The following KIF27 variants were observed in gnomAD, a reference collection of about 807,000 sequenced individuals.
KIF27 encodes the protein kinesin family member 27.
Under a neutral mutation model 141.8 loss-of-function variants are expected in KIF27, and 84 were observed. The ratio of observed to expected loss-of-function variants is 0.59; its 90% CI spans 0.50 to 0.71. KIF27 has a LOEUF of 0.71. Ranked by LOEUF, KIF27 falls within the 30% of genes least tolerant of loss-of-function variation. KIF27 has a pLI of 0.00. For missense variants in KIF27, 1,306 were observed against 1,628.4 expected (o/e 0.80, Z 3.41); for synonymous variants, 471 against 569.5 (o/e 0.83, Z 2.46).
chr9:83,838,292 G>A (rs1220981367), intron 17 of KIF27, among the ~76,000 whole-genome samples: 1 of 151,618 alleles, frequency 6.6e-6, no homozygotes. Context: ...GGAGTGCAGT[G>A]GCGTGATCTC....
rs111290584 is a variant in KIF27 at position 83,853,826 on chromosome 9, C to T, written c.3160G>A (p.Val1054Ile). ...GRVLSPEEEH[V>I]LFQLEEGIEA... ...ATCCCTTCTTCAAGTTGGAAAAGAACATGTTCTTCCTAGATATAACAGAAA... is the reference window on the plus strand; with the variant it reads ...ATCCCTTCTTCAAGTTGGAAAAGAATATGTTCTTCCTAGATATAACAGAAA... The change falls in exon 15 of 18, where the codon GTT becomes ATT. Residue 1054 changes from valine (V) to isoleucine (I), a missense_variant. This residue lies in a region of KIF27 where 596 missense variants were observed against 751.6 expected (regional missense o/e 0.79). Coordinates refer to ENST00000297814, the MANE Select transcript of KIF27 (RefSeq NM_017576.4). The T allele has an allele frequency of 6.2e-7, 1 of 1,602,332 alleles. No homozygotes were observed. The highest frequency in any genetic ancestry group is 1.1e-5 in the South Asian group (1 of 90,826).
In KIF27 at chr9:83,903,926, T is replaced by G. The variant is rs1396626977; in HGVS notation, c.592A>C (p.Thr198Pro). ...CTGCTGGAGTGCTCATTCATTTGAGTGGTACCTGTATGTCTGGCTGCATTC... is the reference window on the plus strand; with the variant it reads ...CTGCTGGAGTGCTCATTCATTTGAGGGGTACCTGTATGTCTGGCTGCATTC... ...MGNAARHTGT[T>P]QMNEHSSRSH... Residue 198 changes from threonine to proline, a missense_variant, in exon 4 of 18, where the codon ACT becomes CCT. Around this residue, in one of 4 missense-constraint regions of KIF27, gnomAD observed 533 missense variants for 565.6 expected, o/e 0.94. Transcript: ENST00000297814. 3.7e-6 allele frequency: 6 copies of G among 1,614,156 alleles called. 1 individual carries two copies. In the Admixed American group the frequency reaches 1.0e-4, roughly 27 times the overall value.
chr9:83,875,764 A>G (rs1951165586), intron 11 of KIF27, among the ~76,000 whole-genome samples: 1 of 152,188 alleles, frequency 6.6e-6, no homozygotes, highest in Admixed American at 6.5e-5. Flanking sequence ...TAAGATAAGG[A>G]CTTTAGTGAC....
chr9:83,875,078 G>A (rs1288655218), intron 11 of KIF27, among the ~76,000 whole-genome samples: 3 of 151,962 alleles, frequency 2.0e-5, no homozygotes, highest in African/African-American at 7.3e-5. Context: ...GCTATGTCTT[G>A]CTGGTTTAAG....
chr9:83,875,022 T>C (rs1951098410), intron 11 of KIF27, among the ~76,000 whole-genome samples: 1 of 151,828 alleles, frequency 6.6e-6, no homozygotes, highest in African/African-American at 2.4e-5. Flanking sequence ...TTCTACTCTT[T>C]GAAGAAGACA....
At chr9:83,882,128 C>T (rs1009237227) in intron 10 of KIF27, among the ~76,000 whole-genome samples, 17 of 151,858 alleles carry the variant, frequency 1.1e-4, no homozygotes, top group Admixed American at 7.2e-4. Context: ...TTTCTGAGGG[C>T]GAGACGGGTG....
intron 12 of KIF27, among the ~76,000 whole-genome samples, chr9:83,869,989 G>C (rs1008047101): frequency 3.3e-5 from 5 of 152,126 alleles, no homozygotes; most frequent in East Asian, 1.9e-4. Context: ...ATATACCCAT[G>C]TAACAAACCT....
Position 83,908,468 on chromosome 9 carries a change from A to T in KIF27, c.483T>A (p.Asp161Glu), listed in dbSNP as rs772212322. ...TSMKDLHIRE[D>E]EKGNTVIVGA... ...CTACTTTACCTGTGTTTCCTTTTTC[A>T]TCTTCTCGGATGTGAAGATCCTTCA... Residue 161 changes from aspartate to glutamate, a missense_variant, in exon 3 of 18, where the codon GAT (aspartate) becomes GAA (glutamate). Coordinates refer to ENST00000297814, the MANE Select transcript of KIF27 (RefSeq NM_017576.4). 1 of 1,606,692 alleles carries T rather than the reference A, an allele frequency of 6.2e-7. No individual in the cohort carries two copies. The highest frequency in any genetic ancestry group is 8.5e-7 in the Non-Finnish European group (1 of 1,176,226).
At chr9:83,881,825 G>A (rs531622866) in intron 10 of KIF27, among the ~76,000 whole-genome samples, 144 of 152,196 alleles carry the variant, frequency 9.5e-4, no homozygotes, top group Middle Eastern at 3.4e-3. Flanking sequence ...AAATATCAGT[G>A]TACATCCTGA....
intron 9 of KIF27, among the ~76,000 whole-genome samples, chr9:83,884,949 T>G (rs190409631): frequency 6.6e-6 from 1 of 152,346 alleles, no homozygotes; most frequent in East Asian, 1.9e-4. Flanking sequence ...TATCTCTTGA[T>G]TCTAAATCCA....
In KIF27 at chr9:83,866,948, A is replaced by ACCC. The variant is rs373091907; in HGVS notation, c.2934+733_2934+735dup. 2.0e-3 allele frequency among the ~76,000 whole-genome samples: 236 copies of ACCC among 118,148 alleles called. 3 individuals carry two copies. Among genetic ancestry groups the ACCC allele is most frequent in the African/African-American group, 6.9e-3 (229 of 33,004 alleles). The allele number at this position is 118,148 out of a possible 152,430, so 77.5% of individuals were successfully genotyped here. A position where few individuals can be genotyped will look rare whatever the true frequency, so the allele number is the denominator to read the frequency against. ...CCACAATCAATTTTATATTTTATTCACCCCCCCCCCAAAAAAAGAAACCCC... is the reference window on the plus strand; with the variant it reads ...CCACAATCAATTTTATATTTTATTCACCCCCCCCCCCCCAAAAAAAGAAACCCC... On this transcript the variant is annotated intron_variant, in intron 13 of 17. Transcript: ENST00000297814.
chr9:83,897,554 G>A (rs2990951), intron 5 of KIF27, among the ~76,000 whole-genome samples: 1 of 152,024 alleles, frequency 6.6e-6, no homozygotes, highest in Non-Finnish European at 1.5e-5. Context: ...GAAACAACTG[G>A]GGAAAGGAAA....
intron 1 of KIF27, 130 bp downstream of exon 1, chr9:83,921,241 C>G (rs1239748248): frequency 3.3e-5 from 5 of 152,346 alleles, no homozygotes; most frequent in African/African-American, 1.2e-4. Context: ...GACCCCAAGC[C>G]GGAGCCTACT....
chr9:83,912,998 A>T (rs570918479), intron 2 of KIF27, among the ~76,000 whole-genome samples: 1 of 151,908 alleles, frequency 6.6e-6, no homozygotes, highest in East Asian at 1.9e-4. Flanking sequence ...CTCTGCAAAA[A>T]ATTAAAAAAA....
intron 3 of KIF27, among the ~76,000 whole-genome samples, chr9:83,907,146 T>C (rs910720108): frequency 2.0e-5 from 3 of 151,226 alleles, no homozygotes; most frequent in African/African-American, 7.3e-5. Flanking sequence ...AAAAATTAGC[T>C]GGACATGGTG....
chr9:83,894,444 G>A (rs1952976890), intron 5 of KIF27, among the ~76,000 whole-genome samples: 3 of 152,212 alleles, frequency 2.0e-5, no homozygotes, highest in African/African-American at 7.2e-5. Context: ...TTGGATTTTG[G>A]GAGTGTTTCT....
chr9:83,872,434 A>C (rs7048626), intron 11 of KIF27, among the ~76,000 whole-genome samples: 24,119 of 152,220 alleles, frequency 0.16, 2,138 homozygotes, highest in African/African-American at 0.23. Context: ...TCAAAGCTGG[A>C]CAGTTCACAT....
At chr9:83,858,957 C>T (rs1015442616) in intron 14 of KIF27, 199 bp downstream of exon 14, 8 of 588,054 alleles carry the variant, frequency 1.4e-5, no homozygotes, top group African/African-American at 1.1e-4. Flanking sequence ...GTCCATGGAC[C>T]ACTATGTAAG....
intron 11 of KIF27, among the ~76,000 whole-genome samples, chr9:83,873,195 G>A (rs1345265854): frequency 6.6e-6 from 1 of 152,188 alleles, no homozygotes; most frequent in African/African-American, 2.4e-5. Flanking sequence ...TACCAGCCAG[G>A]GGTTTCATCA....
Sources: gnomAD v4.1 joint callset for allele counts (sites outside exome capture counted in the v4.1 genomes callset) on GRCh38, gnomAD v4.1.1 for gene constraint, gnomAD v4.1.1 regional missense constraint, MANE v1.5 for transcripts, NCBI Gene and HGNC (gene_info 2026-07-23, HGNC 2026-07-21) for gene names.